NMD3: variants seen among roughly 807,000 people sequenced by gnomAD.
NMD3 encodes 60S ribosomal export protein NMD3.
NMD3 carries 47 observed loss-of-function variants against 73.1 expected under a neutral mutation model. The observed-to-expected ratio is 0.64, with a 90% CI of 0.51 to 0.82. NMD3 has a LOEUF of 0.82. Ranked by LOEUF, NMD3 falls within the 40% of genes least tolerant of loss-of-function variation. The probability of loss-of-function intolerance (pLI) is 0.00; values close to 1 mark genes in which losing one functional copy is unlikely to be tolerated. For synonymous variants in NMD3, 210 were observed against 194.5 expected (o/e 1.08, Z -0.66); for missense variants, 554 against 612.5 (o/e 0.90, Z 1.01).
At chr3:161,238,245 G>C in intron 8 of NMD3, 54 bp downstream of exon 8, 3 of 1,055,540 alleles carry the variant, frequency 2.8e-6, no homozygotes, top group South Asian at 1.4e-5. Context: ...AATGGATGCG[G>C]ATCACATATA....
At chr3:161,228,059 G>A (rs1473862511) in intron 4 of NMD3, among the ~76,000 whole-genome samples, 2 of 148,452 alleles carry the variant, frequency 1.3e-5, no homozygotes, top group African/African-American at 4.9e-5. Context: ...GTGCATAAAT[G>A]TATTAAAAAA....
At chr3:161,225,105 T>G (rs1201873522) in intron 3 of NMD3, 41 bp downstream of exon 3, 1 of 1,586,470 alleles carries the variant, frequency 6.3e-7, no homozygotes, top group Non-Finnish European at 8.6e-7. Flanking sequence ...AAGTTGGAAT[T>G]TACATTTAGA....
chr3:161,247,942 C>G (rs1737316284), intron 13 of NMD3, among the ~76,000 whole-genome samples: 1 of 151,924 alleles, frequency 6.6e-6, no homozygotes. Context: ...GCCACCACTC[C>G]CAGCTAATGT....
chr3:161,246,470 A>T, intron 12 of NMD3, 22 bp downstream of exon 12: 1 of 1,116,848 alleles, frequency 9.0e-7, no homozygotes, highest in Non-Finnish European at 1.3e-6. Flanking sequence ...TTCATATTTT[A>T]AACTGCCAAT....
At position 161,238,709 on chromosome 3, in the gene NMD3, TACTA is replaced by T. The variant is rs766229294; in HGVS notation, c.657-17_657-14del. 8.0e-6 allele frequency: 9 copies of T among 1,118,526 alleles called. No individual in the cohort carries two copies. The East Asian group carries it at 9.4e-5, about 12-fold the overall frequency. 69.3% of individuals were successfully genotyped at this position (1,118,526 alleles called of 1,614,324 possible). The stretch of plus-strand genomic sequence containing the variant: ...TTAATGATCTTTGTCTTTATATTAC[TACTA>T]ACTTTTTTCTTAATAGATACAAAGC... On this transcript the variant is annotated splice_polypyrimidine_tract_variant and intron_variant, in intron 8 of 15. Transcript: ENST00000351193.
At chr3:161,238,995 A>T (rs376049649) in intron 9 of NMD3, among the ~76,000 whole-genome samples, 169 bp downstream of exon 9, 30 of 152,312 alleles carry the variant, frequency 2.0e-4, no homozygotes, top group Admixed American at 3.9e-4. Flanking sequence ...ATATATTTTT[A>T]AAAAAGTCAT....
At chr3:161,234,523 AATAAAT>A (rs1736667252) in intron 5 of NMD3, among the ~76,000 whole-genome samples, 198 bp from the exon 6 acceptor site, 1 of 151,756 alleles carries the variant, frequency 6.6e-6, no homozygotes, top group Non-Finnish European at 1.5e-5. Flanking sequence ...ATGCTAATCT[AATAAAT>A]CTTAGGAATT....
chr3:161,228,996 A>T (rs114698323), intron 4 of NMD3, among the ~76,000 whole-genome samples: 2,645 of 152,310 alleles, frequency 0.017, 49 homozygotes, highest in Non-Finnish European at 0.021. Context: ...GATTACAGTA[A>T]GGGAGGAAGC....
At chr3:161,242,800 TGTC>T in intron 11 of NMD3, 147 bp downstream of exon 11, 2 of 580,386 alleles carry the variant, frequency 3.4e-6, no homozygotes, top group Non-Finnish European at 5.6e-6. Context: ...TTTTTTTTTT[TGTC>T]TTTTTAATAT....
intron 7 of NMD3, among the ~76,000 whole-genome samples, chr3:161,237,538 CTTTTTTTTTTTTT>C (rs71628447): frequency 2.8e-5 from 3 of 108,824 alleles, no homozygotes; most frequent in Non-Finnish European, 5.4e-5. Flanking sequence ...AAATAACTTT[CTTTTTTTTTTTTT>C]TTTTTTGACA....
intron 7 of NMD3, among the ~76,000 whole-genome samples, chr3:161,236,268 A>G (rs970438376): frequency 1.3e-5 from 2 of 152,098 alleles, no homozygotes; most frequent in Non-Finnish European, 2.9e-5. Context: ...TATATATAAA[A>G]AACTACCAAA....
chr3:161,242,578 G>A lies in NMD3; in HGVS notation c.942G>A (p.Glu314=), dbSNP rs1356054303. ...FNSLCHPKQL[E]EFIVMECSIV... ...GTTTATGTCATCCCAAACAGCTAGA[G>A]GAGTTTATTGTGATGGAATGCAGCA... is the stretch of plus-strand genomic sequence containing the variant. The change falls in exon 11 of 16, where the codon GAG becomes GAA. Residue 314 remains glutamate (E), a synonymous_variant. Coordinates refer to ENST00000351193, the MANE Select transcript of NMD3 (RefSeq NM_015938.5). 2 of 1,613,604 alleles carry A rather than the reference G, an allele frequency of 1.2e-6. No individual in the cohort carries two copies. The highest frequency in any genetic ancestry group is 1.3e-5 in the African/African-American group (1 of 75,028).
In NMD3 at chr3:161,221,988, T is replaced by TTAA. The variant is rs748443883; in HGVS notation, c.-20-6_-20-5insTAA. 18 of 1,192,862 alleles carry TTAA rather than the reference T, an allele frequency of 1.5e-5. No individual in the cohort carries two copies. Among genetic ancestry groups the TTAA allele is most frequent in the African/African-American group, 5.2e-5 (3 of 58,060 alleles). 73.9% of individuals were successfully genotyped at this position (1,192,862 alleles called of 1,614,324 possible). A position where few individuals can be genotyped will look rare whatever the true frequency, so the allele number is the denominator to read the frequency against. ...TTTTTTTTTTTTTTTTTTTTTTTTT[T>TTAA]AAAAGAACTTAAGGCATACAGAACG... On this transcript the variant is annotated splice_region_variant and splice_polypyrimidine_tract_variant and intron_variant, in intron 1 of 15. Transcript: ENST00000351193.
chr3:161,249,385 T>C, intron 13 of NMD3, 69 bp from the exon 14 acceptor site: 1 of 953,032 alleles, frequency 1.0e-6, no homozygotes, highest in Non-Finnish European at 1.6e-6. Context: ...ATTTTTTAGC[T>C]TTATTGAATT....
intron 10 of NMD3, among the ~76,000 whole-genome samples, chr3:161,241,912 ATAAAT>A: frequency 6.6e-6 from 1 of 152,250 alleles, no homozygotes; most frequent in Admixed American, 6.5e-5. Context: ...TGTCTATAGA[ATAAAT>A]TATTTTTTAA....
Position 161,235,109 on chromosome 3 carries a change from A to T in NMD3, c.487-13A>T, listed in dbSNP as rs1736706106. 1 of 1,329,500 alleles carries T rather than the reference A, an allele frequency of 7.5e-7. No individual in the cohort carries two copies. Among genetic ancestry groups the T allele is most frequent in the African/African-American group, 1.5e-5 (1 of 67,934 alleles). 82.4% of individuals were successfully genotyped at this position (1,329,500 alleles called of 1,614,324 possible). A position where few individuals can be genotyped will look rare whatever the true frequency, so the allele number is the denominator to read the frequency against. The stretch of plus-strand genomic sequence containing the variant: ...TTGTGGGGCATTTATTGATCAAATA[A>T]TTTATATTTTAGACTTTGCATAAAA... On this transcript the variant is annotated splice_polypyrimidine_tract_variant and intron_variant, in intron 6 of 15. Transcript: ENST00000351193.
intron 4 of NMD3, among the ~76,000 whole-genome samples, chr3:161,227,739 G>A (rs1404731212): frequency 2.6e-5 from 4 of 152,020 alleles, no homozygotes; most frequent in Non-Finnish European, 4.4e-5. Flanking sequence ...GAGCCACCAT[G>A]CTGGCCTCGA....
Position 161,247,713 on chromosome 3 carries a change from G to A in NMD3, c.1203+383G>A, listed in dbSNP as rs562384790. The stretch of plus-strand genomic sequence containing the variant: ...CTGAGGTAGGAGAATTGCCTGAACC[G>A]AGGAGGTGGAGGTTGTGGTAAGCTG... On this transcript the variant is annotated intron_variant, in intron 13 of 15. Transcript: ENST00000351193. 7.6e-4 allele frequency among the ~76,000 whole-genome samples: 115 copies of A among 151,116 alleles called. 2 individuals carry two copies. In the South Asian group the frequency reaches 0.021, roughly 28 times the overall value.
intron 14 of NMD3, 122 bp from the exon 15 acceptor site, chr3:161,250,134 T>C (rs1431960520): frequency 8.5e-6 from 5 of 586,060 alleles, no homozygotes; most frequent in Non-Finnish European, 1.5e-5. Context: ...TATATAAAAT[T>C]GTTTCATGAA....
Sources: gnomAD v4.1 joint callset for allele counts (sites outside exome capture counted in the v4.1 genomes callset) on GRCh38, gnomAD v4.1.1 for gene constraint, MANE v1.5 for transcripts, NCBI Gene and HGNC (gene_info 2026-07-23, HGNC 2026-07-21) for gene names.